The following ATP11B variants were observed in gnomAD, a reference collection of about 807,000 sequenced individuals.
ATP11B encodes phospholipid-transporting ATPase IF.
In ATP11B, 81 loss-of-function variants were observed where a neutral mutation model predicts 157.8. The observed-to-expected ratio is 0.51, with a 90% CI of 0.43 to 0.62. ATP11B has a LOEUF of 0.62. Among genes scored for constraint, ATP11B ranks in the 20% least tolerant of loss-of-function variants. The pLI is 0.00. For synonymous variants in ATP11B, 451 were observed against 469.4 expected (o/e 0.96, Z 0.51); for missense variants, 1,165 against 1,402.2 (o/e 0.83, Z 2.70).
At chr3:182,867,515 CTG>C (rs754644480) in intron 15 of ATP11B, 71 bp downstream of exon 15, 2 of 983,858 alleles carry the variant, frequency 2.0e-6, no homozygotes, top group Admixed American at 2.0e-5. Flanking sequence ...GATCAGTAAA[CTG>C]TAGCTCACAG....
chr3:182,898,888 A>G, intron 28 of ATP11B, 116 bp downstream of exon 28: 1 of 658,678 alleles, frequency 1.5e-6, no homozygotes, highest in Non-Finnish European at 2.3e-6. Context: ...TTCCTGTTTC[A>G]ACTATTTTGT....
intron 24 of ATP11B, among the ~76,000 whole-genome samples, chr3:182,888,895 C>G (rs888825354): frequency 1.4e-5 from 2 of 144,530 alleles, no homozygotes; most frequent in African/African-American, 2.6e-5. Context: ...GAGAGAGTCT[C>G]AGTCTGTCGT....
At chr3:182,906,809 C>G (rs1348730721) in intron 28 of ATP11B, among the ~76,000 whole-genome samples, 2 of 150,292 alleles carry the variant, frequency 1.3e-5, no homozygotes, top group Non-Finnish European at 3.0e-5. Flanking sequence ...AAGAAGAAGG[C>G]CGGGCATGGT....
chr3:182,902,042 C>CT (rs1018535246), intron 28 of ATP11B, among the ~76,000 whole-genome samples: 90 of 151,634 alleles, frequency 5.9e-4, no homozygotes, highest in African/African-American at 2.0e-3. Flanking sequence ...TTTTCCTTTC[C>CT]TTTTTTTTGC....
At chr3:182,848,629 T>TTA (rs911148056) in intron 10 of ATP11B, 72 bp downstream of exon 10, 2 of 633,100 alleles carry the variant, frequency 3.2e-6, no homozygotes, top group Admixed American at 4.5e-5. Context: ...GTATAAAATA[T>TTA]TATATATATA....
intron 11 of ATP11B, 95 bp from the exon 12 acceptor site, chr3:182,859,067 A>G (rs1309758870): frequency 1.3e-6 from 1 of 774,348 alleles, no homozygotes; most frequent in East Asian, 2.7e-5. Context: ...TTGATGGTCT[A>G]TGTAGGCATG....
intron 10 of ATP11B, among the ~76,000 whole-genome samples, chr3:182,849,839 A>T (rs1719829798): frequency 6.6e-6 from 1 of 152,196 alleles, no homozygotes; most frequent in Non-Finnish European, 1.5e-5. Context: ...ATTTGAAAAA[A>T]TAATGACTGA....
rs1050180449 is a variant in ATP11B, at chr3:182,919,794, A to G, written c.*1690A>G. On this transcript the variant is annotated 3_prime_UTR_variant, in exon 30 of 30. Coordinates refer to ENST00000323116, the MANE Select transcript of ATP11B (RefSeq NM_014616.3). ...TAACATTTGTCTGTTCCAGTGATGT[A>G]AGGATATTAAGTTATTAAGCTAAAT... 6.6e-6 allele frequency: 1 copy of G among 152,198 alleles called. No individual in the cohort carries two copies. Among genetic ancestry groups the G allele is most frequent in the Non-Finnish European group, 1.5e-5 (1 of 68,022 alleles). 9.4% of individuals were successfully genotyped at this position (152,198 alleles called of 1,614,324 possible). A position where few individuals can be genotyped will look rare whatever the true frequency, so the allele number is the denominator to read the frequency against.
At chr3:182,829,878 T>A (rs1717997860) in intron 4 of ATP11B, 126 bp downstream of exon 4, 5 of 1,425,484 alleles carry the variant, frequency 3.5e-6, no homozygotes, top group Non-Finnish European at 4.6e-6. Flanking sequence ...ATTTGTCTGA[T>A]ACGTAGTAAA....
chr3:182,818,934 A>G (rs910965781), intron 1 of ATP11B, among the ~76,000 whole-genome samples: 5 of 150,334 alleles, frequency 3.3e-5, no homozygotes, highest in Non-Finnish European at 7.4e-5. Flanking sequence ...AAAAAAAAGA[A>G]AAAAAGAAAA....
chr3:182,818,151 T>C (rs1717079592), intron 1 of ATP11B, among the ~76,000 whole-genome samples: 2 of 152,098 alleles, frequency 1.3e-5, no homozygotes, highest in South Asian at 2.1e-4. Flanking sequence ...GAGCTAGTGT[T>C]TGGGGGGAGA....
intron 25 of ATP11B, among the ~76,000 whole-genome samples, chr3:182,895,841 G>T (rs1435741921): frequency 6.6e-6 from 1 of 152,124 alleles, no homozygotes; most frequent in East Asian, 1.9e-4. Context: ...TCTGACCCTT[G>T]TTCTGGCAGG....
At chr3:182,910,882 G>C (rs1724730964) in intron 28 of ATP11B, among the ~76,000 whole-genome samples, 1 of 152,098 alleles carries the variant, frequency 6.6e-6, no homozygotes, top group Non-Finnish European at 1.5e-5. Flanking sequence ...AGTTTATCTT[G>C]AGCCAGTGCT....
At chr3:182,905,110 A>G (rs1441579178) in intron 28 of ATP11B, among the ~76,000 whole-genome samples, 3 of 152,118 alleles carry the variant, frequency 2.0e-5, no homozygotes, top group Admixed American at 2.0e-4. Flanking sequence ...CTTTCATAGA[A>G]ATAATTATTG....
chr3:182,837,900 T>C (rs1196658009), intron 7 of ATP11B, among the ~76,000 whole-genome samples: 1 of 152,058 alleles, frequency 6.6e-6, no homozygotes, highest in Non-Finnish European at 1.5e-5. Context: ...ATGTGGGCTG[T>C]GGAATGGAAA....
chr3:182,806,530 C>T (rs1716341167), intron 1 of ATP11B, among the ~76,000 whole-genome samples: 1 of 151,960 alleles, frequency 6.6e-6, no homozygotes, highest in Non-Finnish European at 1.5e-5. Context: ...TTCTTATTCT[C>T]ATCTCATTTT....
chr3:182,833,027 G>T (rs1477552716), intron 4 of ATP11B, among the ~76,000 whole-genome samples: 1 of 151,982 alleles, frequency 6.6e-6, no homozygotes, highest in African/African-American at 2.4e-5. Flanking sequence ...ACAATAAATT[G>T]TGATATGATA....
At chr3:182,901,135 T>C (rs1723930004) in intron 28 of ATP11B, among the ~76,000 whole-genome samples, 1 of 151,970 alleles carries the variant, frequency 6.6e-6, no homozygotes, top group African/African-American at 2.4e-5. Context: ...ATGGCGCCAC[T>C]GCACTCCAGC....
Position 182,921,106 on chromosome 3 carries a change from T to C in ATP11B, c.*3002T>C, listed in dbSNP as rs1725456547. 6.6e-6 allele frequency: 1 copy of C among 152,218 alleles called. No homozygotes were observed. The highest frequency in any genetic ancestry group is 6.5e-5 in the Admixed American group (1 of 15,278). 9.4% of individuals were successfully genotyped at this position (152,218 alleles called of 1,614,324 possible). A position where few individuals can be genotyped will look rare whatever the true frequency, so the allele number is the denominator to read the frequency against. ...TTGACAGTTAAGAGCCAAAAGTTTT[T>C]AAAATATGCTACTCTGAAAAATCTC... On this transcript the variant is annotated 3_prime_UTR_variant, in exon 30 of 30. Transcript: ENST00000323116.
Sources: gnomAD v4.1 joint callset for allele counts (sites outside exome capture counted in the v4.1 genomes callset) on GRCh38, gnomAD v4.1.1 for gene constraint, MANE v1.5 for transcripts, NCBI Gene and HGNC (gene_info 2026-07-23, HGNC 2026-07-21) for gene names.